Variants in UNC5B observed in about 807,000 individuals in gnomAD.
The protein encoded by UNC5B is unc-5 netrin receptor B.
In UNC5B, 56 loss-of-function variants were observed where a neutral mutation model predicts 103.7. The observed-to-expected ratio is 0.54, with a 90% CI of 0.44 to 0.67. The LOEUF is 0.67. Ranked by LOEUF, UNC5B falls within the 30% of genes least tolerant of loss-of-function variation. The probability of loss-of-function intolerance (pLI) is 0.00; values close to 1 mark genes in which losing one functional copy is unlikely to be tolerated. For missense variants in UNC5B, 1,194 were observed against 1,284.5 expected (o/e 0.93, Z 1.08); for synonymous variants, 577 against 542.0 (o/e 1.06, Z -0.90).
At chr10:71,285,814 T>A (rs895449093) in intron 4 of UNC5B, among the ~76,000 whole-genome samples, 1 of 152,082 alleles carries the variant, frequency 6.6e-6, no homozygotes, top group African/African-American at 2.4e-5. Context: ...CACGAGCTGA[T>A]CACCCCTTCC....
intron 1 of UNC5B, among the ~76,000 whole-genome samples, chr10:71,224,145 G>A (rs535750886): frequency 5.9e-5 from 9 of 152,232 alleles, no homozygotes; most frequent in Admixed American, 1.3e-4. Context: ...CAGGAAAGCC[G>A]GGGCTGCTGG....
At chr10:71,230,174 G>C (rs1268562182) in intron 1 of UNC5B, among the ~76,000 whole-genome samples, 1 of 152,118 alleles carries the variant, frequency 6.6e-6, no homozygotes, top group African/African-American at 2.4e-5. Context: ...AGGACACCCT[G>C]TCTTACCTCC....
chr10:71,217,586 G>C (rs1843358507), intron 1 of UNC5B: 1 of 152,248 alleles, frequency 6.6e-6, no homozygotes, highest in African/African-American at 2.4e-5. Flanking sequence ...CCCGGGCGGA[G>C]CGCGCTAAGC....
intron 1 of UNC5B, among the ~76,000 whole-genome samples, chr10:71,218,838 C>T (rs1255451311): frequency 6.6e-6 from 1 of 152,232 alleles, no homozygotes; most frequent in Non-Finnish European, 1.5e-5. Context: ...AAGGGGCCAG[C>T]AGAGCTTGAG....
chr10:71,212,755 C>T lies in UNC5B; in HGVS notation c.-231C>T. 2.9e-6 allele frequency: 1 copy of T among 349,448 alleles called. No individual in the cohort carries two copies. The highest frequency in any genetic ancestry group is 5.1e-6 in the Non-Finnish European group (1 of 194,948). The allele number at this position is 349,448 out of a possible 1,614,324, so 21.6% of individuals were successfully genotyped here. A position where few individuals can be genotyped will look rare whatever the true frequency, so the allele number is the denominator to read the frequency against. On this transcript the variant is annotated 5_prime_UTR_variant, in exon 1 of 17. Coordinates refer to ENST00000335350, the MANE Select transcript of UNC5B (RefSeq NM_170744.5). ...GCTCAGAGACCCGGAGCCAGAGGGG[C>T]GCGCCGGAGCCTCGTTCGAGAGCCG... is the stretch of plus-strand genomic sequence containing the variant.
In UNC5B at chr10:71,212,813, G is replaced by A. The variant is rs1843253773; in HGVS notation, c.-173G>A. 2.3e-6 allele frequency: 1 copy of A among 428,958 alleles called. No individual in the cohort carries two copies. The highest frequency in any genetic ancestry group is 3.8e-6 in the Non-Finnish European group (1 of 260,816). The allele number at this position is 428,958 out of a possible 1,614,324, so 26.6% of individuals were successfully genotyped here. ...GCACCCACCGCGCTCCGAGTGCCAG[G>A]CGGCCCTCCGCGCAGCGTGGCTTCC... On this transcript the variant is annotated 5_prime_UTR_variant, in exon 1 of 17. Transcript: ENST00000335350.
At chr10:71,220,256 C>G (rs1538896) in intron 1 of UNC5B, among the ~76,000 whole-genome samples, 1 of 151,046 alleles carries the variant, frequency 6.6e-6, no homozygotes, top group African/African-American at 2.4e-5. Flanking sequence ...AAAATACTTT[C>G]TAAGCACTGG....
chr10:71,284,030 TAAATA>T (rs750674046), intron 2 of UNC5B, among the ~76,000 whole-genome samples: 25 of 152,138 alleles, frequency 1.6e-4, no homozygotes, highest in Non-Finnish European at 2.9e-4. Flanking sequence ...AATGCGTCCA[TAAATA>T]ATCTGAGTCC....
At chr10:71,215,018 G>A (rs1292255730) in intron 1 of UNC5B, among the ~76,000 whole-genome samples, 2 of 152,194 alleles carry the variant, frequency 1.3e-5, no homozygotes, top group African/African-American at 2.4e-5. Flanking sequence ...TGGTGGGGTC[G>A]GCCTGCAGCC....
At chr10:71,297,286 A>T (rs1223874399) in intron 15 of UNC5B, among the ~76,000 whole-genome samples, 4 of 152,234 alleles carry the variant, frequency 2.6e-5, no homozygotes, top group Non-Finnish European at 5.9e-5. Context: ...CGGGAGATGC[A>T]TGACAGATAT....
In UNC5B at chr10:71,299,502, C is replaced by T. The variant is rs530654215; in HGVS notation, c.*225C>T. On this transcript the variant is annotated 3_prime_UTR_variant, in exon 17 of 17. Coordinates refer to ENST00000335350, the MANE Select transcript of UNC5B (RefSeq NM_170744.5). ...TTCCTTCTCCACCCCCGCTCTCTCTCTCTTGGCCTGAGATCTCTGTGCAGG... is the reference window on the plus strand; with the variant it reads ...TTCCTTCTCCACCCCCGCTCTCTCTTTCTTGGCCTGAGATCTCTGTGCAGG... 169 of 535,502 alleles carry T rather than the reference C, an allele frequency of 3.2e-4. 2 individuals carry two copies. The South Asian group carries it at 3.7e-3, about 12-fold the overall frequency. 33.2% of individuals were successfully genotyped at this position (535,502 alleles called of 1,614,324 possible). A position where few individuals can be genotyped will look rare whatever the true frequency, so the allele number is the denominator to read the frequency against.
At chr10:71,286,266 A>G (rs1051670859) in intron 4 of UNC5B, among the ~76,000 whole-genome samples, 20 of 152,172 alleles carry the variant, frequency 1.3e-4, no homozygotes, top group Admixed American at 6.5e-5. Flanking sequence ...CCTTCTTCGT[A>G]TCACCTCCCA....
At chr10:71,252,966 G>T (rs1465662814) in intron 1 of UNC5B, among the ~76,000 whole-genome samples, 1 of 152,202 alleles carries the variant, frequency 6.6e-6, no homozygotes, top group East Asian at 1.9e-4. Flanking sequence ...CAAGGGACAG[G>T]AGGAGAGAAG....
intron 16 of UNC5B, among the ~76,000 whole-genome samples, chr10:71,298,331 C>G (rs915751330): frequency 6.6e-6 from 1 of 152,246 alleles, no homozygotes; most frequent in Non-Finnish European, 1.5e-5. Context: ...AGACCCTGCT[C>G]TTTTCCCATT....
chr10:71,286,625 C>G, intron 4 of UNC5B, 64 bp from the exon 5 acceptor site: 5 of 1,593,194 alleles, frequency 3.1e-6, no homozygotes, highest in Non-Finnish European at 4.3e-6. Context: ...TAGAACTGCC[C>G]TTCTTCTGTT....
intron 1 of UNC5B, among the ~76,000 whole-genome samples, chr10:71,222,070 A>G (rs1387586797): frequency 6.6e-6 from 1 of 152,320 alleles, no homozygotes; most frequent in East Asian, 1.9e-4. Flanking sequence ...GGATGTTGAG[A>G]GGAAGAAGCT....
chr10:71,289,363 C>T (rs1845186002), intron 8 of UNC5B, among the ~76,000 whole-genome samples: 1 of 152,206 alleles, frequency 6.6e-6, no homozygotes, highest in Non-Finnish European at 1.5e-5. Flanking sequence ...TGGCCCTCCT[C>T]TCTGGGCCAA....
rs559371699 is a variant in UNC5B at position 71,241,344 on chromosome 10, C to A, written c.79+28280C>A. 2.0e-5 allele frequency among the ~76,000 whole-genome samples: 3 copies of A among 152,272 alleles called. No individual in the cohort carries two copies. The South Asian group carries it at 6.2e-4, about 32-fold the overall frequency. ...GTAACTGAGTAGCTTCAGCAAGAGC[C>A]CCGCAGAAACATCCTACAGGCACCT... On this transcript the variant is annotated intron_variant, in intron 1 of 16. Transcript: ENST00000335350.
chr10:71,250,327 C>T (rs1844144845), intron 1 of UNC5B, among the ~76,000 whole-genome samples: 2 of 152,264 alleles, frequency 1.3e-5, no homozygotes, highest in African/African-American at 4.8e-5. Flanking sequence ...AGCTAGGCCC[C>T]TTCTGGAAGT....
Sources: gnomAD v4.1 joint callset for allele counts (sites outside exome capture counted in the v4.1 genomes callset) on GRCh38, gnomAD v4.1.1 for gene constraint, MANE v1.5 for transcripts, NCBI Gene and HGNC (gene_info 2026-07-23, HGNC 2026-07-21) for gene names.